The following EGFR variants were observed in gnomAD, a reference collection of about 807,000 sequenced individuals.
The protein encoded by EGFR is avian erythroblastic leukemia viral (v-erb-b) oncogene homolog.
In EGFR, 58 loss-of-function variants were observed where a neutral mutation model predicts 143.0. That is an observed-to-expected ratio of 0.41 (90% CI 0.33 to 0.50). EGFR has a LOEUF of 0.50. Among genes scored for constraint, EGFR ranks in the 20% least tolerant of loss-of-function variants. The pLI is 0.39. For synonymous variants in EGFR, 613 were observed against 594.4 expected, an observed-to-expected ratio of 1.03 and a Z score of -0.45; for missense variants, 1,307 against 1,579.0, an observed-to-expected ratio of 0.83 and a Z score of 2.92.
chr7:55,136,849 A>G (rs1405866604), intron 1 of EGFR, among the ~76,000 whole-genome samples: 1 of 152,034 alleles, frequency 6.6e-6, no homozygotes, highest in Admixed American at 6.5e-5. Flanking sequence ...CATTTTGGGG[A>G]TATTGTGTTT....
At chr7:55,135,935 A>C (rs1467969739) in intron 1 of EGFR, among the ~76,000 whole-genome samples, 2 of 152,198 alleles carry the variant, frequency 1.3e-5, no homozygotes, top group Non-Finnish European at 2.9e-5. Context: ...ATTTTTTAGC[A>C]TAAAGTAATA....
chr7:55,148,094 G>C (rs1346767734), intron 4 of EGFR, among the ~76,000 whole-genome samples: 2 of 152,168 alleles, frequency 1.3e-5, no homozygotes, highest in African/African-American at 4.8e-5. Context: ...GTGAACATGG[G>C]TATTGAGGCT....
In EGFR at chr7:55,103,080, A is replaced by G. The variant is rs549568957; in HGVS notation, c.89-39206A>G. Among the ~76,000 whole-genome samples, 27 of 152,350 alleles carry G rather than the reference A, an allele frequency of 1.8e-4. No individual in the cohort carries two copies. In the South Asian group the frequency reaches 5.6e-3, roughly 32 times the overall value. On this transcript the variant is annotated intron_variant, in intron 1 of 27. Coordinates refer to ENST00000275493, the MANE Select transcript of EGFR (RefSeq NM_005228.5). ...AAAGATATAAGAATAGACTCCCCAT[A>G]TGGGTCATGAATTATCTTTTTGCAT...
chr7:55,174,963 T>C (rs938231644), intron 19 of EGFR, 143 bp downstream of exon 19: 2 of 717,414 alleles, frequency 2.8e-6, no homozygotes, highest in African/African-American at 1.8e-5. Context: ...CCTTTCTAGC[T>C]CTAGTGGGTA....
At chr7:55,135,194 G>T (rs1207508057) in intron 1 of EGFR, among the ~76,000 whole-genome samples, 1 of 152,008 alleles carries the variant, frequency 6.6e-6, no homozygotes, top group Non-Finnish European at 1.5e-5. Context: ...GCTAGAAGGA[G>T]AATCATGGGG....
intron 1 of EGFR, among the ~76,000 whole-genome samples, chr7:55,041,523 T>C (rs532909477): frequency 6.6e-5 from 10 of 152,362 alleles, no homozygotes; most frequent in African/African-American, 1.4e-4. Context: ...GATAAATACA[T>C]TGACTGCATG....
chr7:55,187,038 C>G (rs546578854), intron 20 of EGFR, among the ~76,000 whole-genome samples: 57 of 152,278 alleles, frequency 3.7e-4, no homozygotes, highest in African/African-American at 1.3e-3. Context: ...TGAGAGTTGG[C>G]TGCGGACAGG....
chr7:55,141,767 CACA>C (rs1218701080), intron 1 of EGFR, among the ~76,000 whole-genome samples: 2 of 152,120 alleles, frequency 1.3e-5, no homozygotes, highest in African/African-American at 2.4e-5. Context: ...TCATTGCACG[CACA>C]ACAATGTGAC....
intron 1 of EGFR, among the ~76,000 whole-genome samples, chr7:55,117,417 A>G (rs1161887735): frequency 6.6e-5 from 10 of 152,314 alleles, no homozygotes; most frequent in African/African-American, 2.2e-4. Flanking sequence ...TAACTCCCAC[A>G]TTCAATTAGC....
At position 55,160,314 on chromosome 7, in the gene EGFR, A is replaced by G. The variant is rs1057519760; in HGVS notation, c.1474A>G (p.Ser492Gly). 6.2e-7 allele frequency: 1 copy of G among 1,613,644 alleles called. No individual in the cohort carries two copies. Among genetic ancestry groups the G allele is most frequent in the Non-Finnish European group, 8.5e-7 (1 of 1,179,976 alleles). ...CTCCGGTCAGAAAACCAAAATTATAAGCAACAGAGGTGAAAACAGCTGCAG... is the reference window on the plus strand; with the variant it reads ...CTCCGGTCAGAAAACCAAAATTATAGGCAACAGAGGTGAAAACAGCTGCAG... The part of the protein sequence containing the change: ...GTSGQKTKII[S>G]NRGENSCKAT... The change falls in exon 12 of 28, where the codon AGC becomes GGC. Residue 492 changes from serine to glycine, a missense_variant. Ser to Gly is a moderately conservative substitution (Grantham distance 56, BLOSUM62 0). Transcript: ENST00000275493.
Position 55,165,398 on chromosome 7 carries a change from G to A in EGFR, c.1841G>A (p.Gly614Asp), listed in dbSNP as rs750850720. ...CTGGTCTGGAAGTACGCAGACGCCG[G>A]CCATGTGTGCCACCTGTGCCATCCA... ...NTLVWKYADA[G>D]HVCHLCHPNC... Residue 614 changes from glycine (G) to aspartate (D), a missense_variant, in exon 15 of 28, where the codon GGC (glycine) becomes GAC (aspartate). Transcript: ENST00000275493. 4.3e-6 allele frequency: 7 copies of A among 1,614,022 alleles called. No individual in the cohort carries two copies. In the South Asian group the frequency reaches 4.4e-5, roughly 10 times the overall value.
At chr7:55,146,850 C>G in intron 4 of EGFR, 110 bp downstream of exon 4, 2 of 1,463,498 alleles carry the variant, frequency 1.4e-6, no homozygotes, top group South Asian at 2.4e-5. Context: ...TAATCAGAAA[C>G]AAAAAGTAGT....
chr7:55,023,606 G>T (rs7801281), intron 1 of EGFR, among the ~76,000 whole-genome samples: 3 of 137,162 alleles, frequency 2.2e-5, no homozygotes, highest in African/African-American at 5.5e-5. Context: ...AGCCAAGATC[G>T]CACCATTGCA....
At chr7:55,058,618 T>C (rs1220508749) in intron 1 of EGFR, among the ~76,000 whole-genome samples, 1 of 151,948 alleles carries the variant, frequency 6.6e-6, no homozygotes, top group Non-Finnish European at 1.5e-5. Context: ...GAAAACAAAA[T>C]ACCGCATGTT....
intron 1 of EGFR, among the ~76,000 whole-genome samples, chr7:55,037,983 G>A (rs576815818): frequency 1.3e-5 from 2 of 152,262 alleles, no homozygotes; most frequent in Non-Finnish European, 2.9e-5. Flanking sequence ...CTGCACTCCC[G>A]GTGTTCCGGC....
intron 1 of EGFR, among the ~76,000 whole-genome samples, chr7:55,032,710 C>A (rs529232320): frequency 1.3e-5 from 2 of 152,202 alleles, no homozygotes; most frequent in African/African-American, 4.8e-5. Context: ...ATCATATATG[C>A]ATCCTGGATG....
chr7:55,071,770 A>T (rs10279672), intron 1 of EGFR, among the ~76,000 whole-genome samples: 1,527 of 152,360 alleles, frequency 0.01, 29 homozygotes, highest in African/African-American at 0.034. Flanking sequence ...TTCTCTCCAA[A>T]TTATATTTGA....
At chr7:55,176,077 G>A (rs536958047) in intron 19 of EGFR, among the ~76,000 whole-genome samples, 33 of 152,264 alleles carry the variant, frequency 2.2e-4, no homozygotes, top group Non-Finnish European at 4.4e-4. Flanking sequence ...ACAGGAAGAC[G>A]GGCAATCTGT....
At chr7:55,136,482 G>A (rs565266363) in intron 1 of EGFR, among the ~76,000 whole-genome samples, 6 of 152,142 alleles carry the variant, frequency 3.9e-5, no homozygotes, top group African/African-American at 1.4e-4. Flanking sequence ...GCCATCCATT[G>A]CTTTCACAAC....
Sources: gnomAD v4.1 joint callset for allele counts (sites outside exome capture counted in the v4.1 genomes callset) on GRCh38, gnomAD v4.1.1 for gene constraint, MANE v1.5 for transcripts, NCBI Gene and HGNC (gene_info 2026-07-23, HGNC 2026-07-21) for gene names.